The following CDC14A variants were observed in gnomAD, a reference collection of about 807,000 sequenced individuals.
CDC14A encodes the protein cell division cycle 14A.
A neutral mutation model predicts 74.4 loss-of-function variants in CDC14A; 53 were observed. That is an observed-to-expected ratio of 0.71 (90% CI 0.57 to 0.89). The LOEUF (loss-of-function observed/expected upper bound fraction) is 0.89. Among genes scored for constraint, CDC14A ranks in the 40% least tolerant of loss-of-function variants. CDC14A has a pLI of 0.00. For synonymous variants in CDC14A, 247 were observed against 258.4 expected (o/e 0.96, Z 0.43); for missense variants, 646 against 713.7 (o/e 0.91, Z 1.08).
rs1165986883 is a variant in CDC14A at position 100,499,145 on chromosome 1, C to T, written c.1638C>T (p.Asn546=). ...GAAGCAGCAACAGCAACGGGGGCAA[C>T]CTGAACAGCCCCCCAGGCCCCCACA... ...YNRSSNSNGG[N]LNSPPGPHSA... Residue 546 remains asparagine (N), a synonymous_variant, in exon 15 of 16, where the codon AAC becomes AAT. Coordinates refer to ENST00000336454, the MANE Select transcript of CDC14A (RefSeq NM_003672.4). 1 of 1,614,158 alleles carries T rather than the reference C, an allele frequency of 6.2e-7. No individual in the cohort carries two copies. The highest frequency in any genetic ancestry group is 2.2e-5 in the East Asian group (1 of 44,874).
intron 4 of CDC14A, among the ~76,000 whole-genome samples, chr1:100,416,090 A>C (rs1440796850): frequency 1.3e-5 from 2 of 152,200 alleles, no homozygotes; most frequent in Non-Finnish European, 2.9e-5. Context: ...TTTGGGAGCC[A>C]AGGAAGAGAC....
In CDC14A at chr1:100,510,491, T is replaced by A. The variant is rs577067307; in HGVS notation, c.1756-7760T>A. 5.3e-5 allele frequency among the ~76,000 whole-genome samples: 8 copies of A among 152,362 alleles called. No homozygotes were observed. In the South Asian group the frequency reaches 1.2e-3, roughly 24 times the overall value. ...CATCTTGAATCCTGCCAGCCTCCTT[T>A]AAACATTTCCCCCTCCTCCTAACTC... On this transcript the variant is annotated intron_variant, in intron 15 of 15. Transcript: ENST00000336454.
intron 8 of CDC14A, among the ~76,000 whole-genome samples, chr1:100,456,212 A>G (rs1453979460): frequency 6.6e-6 from 1 of 152,264 alleles, no homozygotes; most frequent in African/African-American, 2.4e-5. Flanking sequence ...ATGGGCATAC[A>G]TATTTAGGAA....
intron 4 of CDC14A, among the ~76,000 whole-genome samples, chr1:100,404,874 T>C (rs1309529489): frequency 6.6e-6 from 1 of 151,932 alleles, no homozygotes; most frequent in African/African-American, 2.4e-5. Flanking sequence ...AAAAACTAAA[T>C]AGTAGGACTG....
intron 4 of CDC14A, among the ~76,000 whole-genome samples, chr1:100,394,853 T>C (rs914847091): frequency 1.3e-5 from 2 of 152,256 alleles, no homozygotes; most frequent in Non-Finnish European, 2.9e-5. Context: ...TTTGTATGTA[T>C]TTACTTGTTG....
chr1:100,435,566 C>T (rs1399566410), intron 5 of CDC14A, among the ~76,000 whole-genome samples: 3 of 152,216 alleles, frequency 2.0e-5, no homozygotes, highest in Admixed American at 6.5e-5. Flanking sequence ...CGGTGGCTCA[C>T]GCCTGTAATC....
chr1:100,435,517 C>G (rs551021350), intron 5 of CDC14A, among the ~76,000 whole-genome samples: 1 of 152,082 alleles, frequency 6.6e-6, no homozygotes. Context: ...CCAAACCCCA[C>G]TGAATTGTAC....
chr1:100,351,177 G>C (rs1320740727), upstream of CDC14A, among the ~76,000 whole-genome samples: 1 of 151,620 alleles, frequency 6.6e-6, no homozygotes, highest in Non-Finnish European at 1.5e-5. Context: ...CTGGGTGACA[G>C]AGCGAGACCC....
chr1:100,399,287 T>A (rs1196267245), intron 4 of CDC14A, among the ~76,000 whole-genome samples: 1 of 152,208 alleles, frequency 6.6e-6, no homozygotes, highest in Non-Finnish European at 1.5e-5. Flanking sequence ...GTTTAACATT[T>A]TAGATTTCTT....
intron 15 of CDC14A, among the ~76,000 whole-genome samples, chr1:100,504,610 C>T (rs1226109840): frequency 6.6e-6 from 1 of 152,198 alleles, no homozygotes; most frequent in Non-Finnish European, 1.5e-5. Flanking sequence ...TTGCCAACCC[C>T]TGCTTTAAAG....
intron 2 of CDC14A, among the ~76,000 whole-genome samples, chr1:100,363,947 T>A (rs1653169517): frequency 6.6e-6 from 1 of 152,118 alleles, no homozygotes; most frequent in African/African-American, 2.4e-5. Flanking sequence ...TCGAGCAACA[T>A]GCTGAAACCC....
intron 6 of CDC14A, among the ~76,000 whole-genome samples, chr1:100,440,990 A>G (rs1202603617): frequency 6.6e-6 from 1 of 152,214 alleles, no homozygotes; most frequent in Non-Finnish European, 1.5e-5. Flanking sequence ...GCCAGTTAAG[A>G]GCTTCTATGG....
At chr1:100,459,114 C>G (rs1305717964) in intron 8 of CDC14A, among the ~76,000 whole-genome samples, 173 of 148,062 alleles carry the variant, frequency 1.2e-3, no homozygotes, top group African/African-American at 4.3e-3. Context: ...CACACACACA[C>G]ACACACACAC....
Position 100,468,076 on chromosome 1 carries a change from A to C in CDC14A, c.959A>C (p.Gln320Pro), listed in dbSNP as rs1339709390. 6.2e-7 allele frequency: 1 copy of C among 1,613,784 alleles called. No individual in the cohort carries two copies. Among genetic ancestry groups the C allele is most frequent in the South Asian group, 1.1e-5 (1 of 91,002 alleles). ...CGGCCAGGCTCTATTATAGGACCCC[A>C]GCAGCACTTCCTGGAAGAGTAAGTA... ...ICRPGSIIGP[Q>P]QHFLEEKQAS... The change falls in exon 10 of 16, where the codon CAG becomes CCG. Residue 320 changes from glutamine to proline, a missense_variant. By Grantham distance (76) the Gln-to-Pro change is moderately conservative. Coordinates refer to ENST00000336454, the MANE Select transcript of CDC14A (RefSeq NM_003672.4).
intron 7 of CDC14A, among the ~76,000 whole-genome samples, chr1:100,450,202 G>C (rs17422332): frequency 0.14 from 21,737 of 152,108 alleles, 1,768 homozygotes; most frequent in Non-Finnish European, 0.17. Flanking sequence ...CCTAACAATT[G>C]CTCTTTAGCA....
At chr1:100,469,850 C>G (rs992801609) in intron 10 of CDC14A, among the ~76,000 whole-genome samples, 1 of 152,166 alleles carries the variant, frequency 6.6e-6, no homozygotes, top group Non-Finnish European at 1.5e-5. Flanking sequence ...CTATTATACT[C>G]TTTCTCTCTG....
intron 15 of CDC14A, chr1:100,505,039 A>C (rs747610875): frequency 6.3e-6 from 7 of 1,114,886 alleles, no homozygotes; most frequent in Non-Finnish European, 8.5e-6. Flanking sequence ...GTATGTAAGA[A>C]TTGTCTCCAA....
intron 4 of CDC14A, among the ~76,000 whole-genome samples, chr1:100,415,100 G>A (rs1342095794): frequency 6.6e-6 from 1 of 152,062 alleles, no homozygotes; most frequent in African/African-American, 2.4e-5. Flanking sequence ...TATCTTTTTA[G>A]GCTGATTATG....
At chr1:100,433,832 G>C (rs1664008626) in intron 5 of CDC14A, among the ~76,000 whole-genome samples, 1 of 152,120 alleles carries the variant, frequency 6.6e-6, no homozygotes, top group African/African-American at 2.4e-5. Context: ...TAAGTAAAAA[G>C]TATTTGCTGA....
Sources: gnomAD v4.1 joint callset for allele counts (sites outside exome capture counted in the v4.1 genomes callset) on GRCh38, gnomAD v4.1.1 for gene constraint, MANE v1.5 for transcripts, NCBI Gene and HGNC (gene_info 2026-07-23, HGNC 2026-07-21) for gene names.